CDC42BPG: variants seen among roughly 807,000 people sequenced by gnomAD.
CDC42BPG encodes CDC42 binding protein kinase gamma.
CDC42BPG carries 157 observed loss-of-function variants against 192.2 expected under a neutral mutation model. The ratio of observed to expected loss-of-function variants is 0.82; its 90% CI spans 0.72 to 0.93. The LOEUF is 0.93. CDC42BPG is among the 40% of genes least tolerant of loss of function. CDC42BPG has a pLI of 0.00. For missense variants in CDC42BPG, 1,992 were observed against 2,122.1 expected, an observed-to-expected ratio of 0.94 and a Z score of 1.20; for synonymous variants, 981 against 918.5, an observed-to-expected ratio of 1.07 and a Z score of -1.23.
At chr11:64,824,783 C>T (rs1016210752) in intron 36 of CDC42BPG, among the ~76,000 whole-genome samples, 3 of 152,000 alleles carry the variant, frequency 2.0e-5, no homozygotes, top group East Asian at 3.9e-4. Context: ...CTTGCTCTGT[C>T]GCCTAGCCTG....
chr11:64,827,423 C>T (rs773576161), intron 32 of CDC42BPG, 25 bp from the exon 33 acceptor site: 5 of 1,610,824 alleles, frequency 3.1e-6, no homozygotes, highest in Non-Finnish European at 4.2e-6. Context: ...GAGAGCTGGG[C>T]TGTGCTCACA....
intron 15 of CDC42BPG, 32 bp from the exon 16 acceptor site, chr11:64,835,451 C>G (rs1459777621): frequency 6.2e-7 from 1 of 1,612,322 alleles, no homozygotes; most frequent in East Asian, 2.2e-5. Context: ...CCGTGACTCA[C>G]CGCCCAGGCC....
Position 64,840,574 on chromosome 11 carries a change from G to A in CDC42BPG, c.411C>T (p.Ala137=), listed in dbSNP as rs1374933248. The change falls in exon 4 of 37, where the codon GCC becomes GCT. Residue 137 remains alanine, a synonymous_variant. Transcript: ENST00000342711. ...DSRWVTTLHY[A]FQDEEYLYLV... ...TCACCAGGTACTCCTCGTCTTGGAA[G>A]GCATAGTGCAGAGTGGTCACCCAAC... The A allele has an allele frequency of 6.2e-7, 1 of 1,613,970 alleles. No homozygotes were observed. The highest frequency in any genetic ancestry group is 1.1e-5 in the South Asian group (1 of 91,090).
chr11:64,835,996 C>G, intron 13 of CDC42BPG, 121 bp downstream of exon 13: 1 of 1,343,968 alleles, frequency 7.4e-7, no homozygotes, highest in South Asian at 1.4e-5. Flanking sequence ...CCACCATCCC[C>G]TGGCCTAGCC....
chr11:64,836,808 C>T lies in CDC42BPG; in HGVS notation c.1315G>A (p.Ala439Thr), dbSNP rs762926788. Residue 439 changes from alanine to threonine, a missense_variant, in exon 11 of 37, where the codon GCC (alanine) becomes ACC (threonine). Coordinates refer to ENST00000342711, the MANE Select transcript of CDC42BPG (RefSeq NM_017525.3). ...LSRKHQEALHAPTDHRELEQL... is the reference protein window; with the variant it reads ...LSRKHQEALHTPTDHRELEQL... Reference sequence around the variant, plus strand: ...TCCAGCTCCCGATGGTCTGTGGGGGCGTGCAGGGCCTCTGGAGGGGAGGTG... The same window carrying T: ...TCCAGCTCCCGATGGTCTGTGGGGGTGTGCAGGGCCTCTGGAGGGGAGGTG... 8.8e-6 allele frequency: 14 copies of T among 1,587,186 alleles called. No homozygotes were observed. The highest frequency in any genetic ancestry group is 1.0e-5 in the Non-Finnish European group (12 of 1,168,216).
In CDC42BPG at chr11:64,832,739, G is replaced by A. The variant is rs770098927; in HGVS notation, c.2870C>T (p.Pro957Leu). 3 of 1,604,826 alleles carry A rather than the reference G, an allele frequency of 1.9e-6. No homozygotes were observed. The highest frequency in any genetic ancestry group is 2.3e-5 in the East Asian group (1 of 44,300). Residue 957 changes from proline (P) to leucine (L), a missense_variant, in exon 26 of 37, where the codon CCG becomes CTG. By Grantham distance (98) the Pro-to-Leu change is moderately conservative. Coordinates refer to ENST00000342711, the MANE Select transcript of CDC42BPG (RefSeq NM_017525.3). ...GCCCCGCCGGACACCTGAGGGCCGCGGCACCTGGCGGAAAGGCAAGCATGG... is the reference window on the plus strand; with the variant it reads ...GCCCCGCCGGACACCTGAGGGCCGCAGCACCTGGCGGAAAGGCAAGCATGG... ...GTAYEGFLSVPRPSGVRRGWQ... is the reference protein window; with the variant it reads ...GTAYEGFLSVLRPSGVRRGWQ...
At position 64,835,548 on chromosome 11, in the gene CDC42BPG, T is replaced by C; in HGVS notation, c.1832A>G (p.Lys611Arg). ...EGGPQEAQLR[K>R]EVAALREQLE... ...CTGCTCTCGCAGGGCGGCCACCTCCTTCCTCAGTTGGGCCTCCTGAGGCCC... is the reference window on the plus strand; with the variant it reads ...CTGCTCTCGCAGGGCGGCCACCTCCCTCCTCAGTTGGGCCTCCTGAGGCCC... The change falls in exon 15 of 37, where the codon AAG becomes AGG. Residue 611 changes from lysine to arginine, a missense_variant. This residue lies in a region of CDC42BPG where 1,656 missense variants were observed against 1,844.3 expected (regional missense o/e 0.90). Transcript: ENST00000342711. 1 of 1,591,846 alleles carries C rather than the reference T, an allele frequency of 6.3e-7. No homozygotes were observed. The highest frequency in any genetic ancestry group is 8.5e-7 in the Non-Finnish European group (1 of 1,172,916).
At chr11:64,840,003 C>T (rs1484443160) in intron 5 of CDC42BPG, 117 bp downstream of exon 5, 1 of 1,032,454 alleles carries the variant, frequency 9.7e-7, no homozygotes, top group Admixed American at 2.4e-5. Context: ...GATGAGGCAC[C>T]CAGAGAAGTG....
At chr11:64,827,423 CT>C (rs1565669680) in intron 32 of CDC42BPG, 25 bp from the exon 33 acceptor site, 10 of 1,610,942 alleles carry the variant, frequency 6.2e-6, no homozygotes, top group Non-Finnish European at 6.8e-6. Context: ...GAGAGCTGGG[CT>C]GTGCTCACAC....
At chr11:64,833,858 G>A (rs749811845) in intron 21 of CDC42BPG, 22 bp from the exon 22 acceptor site, 1 of 1,614,158 alleles carries the variant, frequency 6.2e-7, no homozygotes, top group East Asian at 2.2e-5. Flanking sequence ...AGAGAGAGGA[G>A]CAAAGTCAAG....
intron 9 of CDC42BPG, 37 bp downstream of exon 9, chr11:64,838,046 C>T (rs757732901): frequency 1.3e-6 from 2 of 1,536,454 alleles, no homozygotes; most frequent in Admixed American, 2.0e-5. Flanking sequence ...TCAGGCAACC[C>T]CGAGCCTCCC....
In CDC42BPG at chr11:64,836,884, G is replaced by A. The variant is rs191094913; in HGVS notation, c.1303+38C>T. On this transcript the variant is annotated intron_variant, in intron 10 of 36. Transcript: ENST00000342711. ...CATTCCCGCAGCAGCAGCCCCTAGG[G>A]CCAGCACACCCAGGCCCGGCCCAGC... 2.0e-4 allele frequency: 324 copies of A among 1,610,320 alleles called. 3 individuals carry two copies. In the East Asian group the frequency reaches 6.4e-3, roughly 32 times the overall value.
Position 64,831,604 on chromosome 11 carries a change from G to A in CDC42BPG, c.3205C>T (p.Leu1069=), listed in dbSNP as rs1034661202. ...QVLGELQRLL[L]DARPRPRPVY... ...GGCCGGGGTCTTGGCCGCGCGTCCA[G>A]CAGCAGCCGCTGCAGCTCACCCAGC... is the stretch of plus-strand genomic sequence containing the variant. Residue 1069 remains leucine (L), a synonymous_variant, in exon 28 of 37, where the codon CTG becomes TTG. Transcript: ENST00000342711. 2 of 1,611,532 alleles carry A rather than the reference G, an allele frequency of 1.2e-6. No individual in the cohort carries two copies. The highest frequency in any genetic ancestry group is 1.7e-6 in the Non-Finnish European group (2 of 1,179,782).
At chr11:64,840,764 A>G in intron 3 of CDC42BPG, 116 bp from the exon 4 acceptor site, 1 of 843,912 alleles carries the variant, frequency 1.2e-6, no homozygotes, top group South Asian at 1.5e-5. Context: ...GATGGAGGTC[A>G]TAGCTCTACT....
chr11:64,829,145 A>C (rs1456991419), intron 30 of CDC42BPG, among the ~76,000 whole-genome samples: 1 of 152,086 alleles, frequency 6.6e-6, no homozygotes, highest in African/African-American at 2.4e-5. Flanking sequence ...ACTTGACCCC[A>C]GGAGGCGGAG....
rs1592701661 is a variant in CDC42BPG, at chr11:64,833,827, C to T, written c.2476G>A (p.Ala826Thr). Residue 826 changes from alanine (A) to threonine (T), a missense_variant, in exon 22 of 37, where the codon GCC becomes ACC. Ala to Thr is a moderately conservative substitution (Grantham distance 58, BLOSUM62 0). Transcript: ENST00000342711. Reference protein sequence around the residue: ...LSFRSSEKDSAKDPGISGEAT... With the variant: ...LSFRSSEKDSTKDPGISGEAT... ...TCTCCTGAGATGCCAGGGTCCTTGG[C>T]AGAATCCTTCTGGGGGTGGGAGAGA... The T allele has an allele frequency of 6.2e-7, 1 of 1,614,248 alleles. No individual in the cohort carries two copies. The highest frequency in any genetic ancestry group is 8.5e-7 in the Non-Finnish European group (1 of 1,180,038).
rs1385946669 is a variant in CDC42BPG, at chr11:64,836,837, C to A, written c.1304-18G>T. ...CAGGGCCTCTGGAGGGGAGGTGGTA[C>A]CCACAGGTGAGTCCACTCCTCCATT... On this transcript the variant is annotated intron_variant, in intron 10 of 36. Coordinates refer to ENST00000342711, the MANE Select transcript of CDC42BPG (RefSeq NM_017525.3). The A allele has an allele frequency of 6.2e-7, 1 of 1,609,586 alleles. No homozygotes were observed. The highest frequency in any genetic ancestry group is 1.1e-5 in the South Asian group (1 of 90,854).
Position 64,826,067 on chromosome 11 carries a change from G to A in CDC42BPG, c.4599+403C>T, listed in dbSNP as rs868664781. 1.4e-4 allele frequency among the ~76,000 whole-genome samples: 19 copies of A among 133,964 alleles called. 1 individual carries two copies. The highest frequency in any genetic ancestry group is 4.7e-4 in the South Asian group (2 of 4,238). 87.9% of individuals were successfully genotyped at this position (133,964 alleles called of 152,430 possible). ...GGGTGACAGAGTGAGACTCCATCTG[G>A]AAAAAAAAAAAAAAAAAAGAATCCC... is the stretch of plus-strand genomic sequence containing the variant. On this transcript the variant is annotated intron_variant, in intron 36 of 36. Coordinates refer to ENST00000342711, the MANE Select transcript of CDC42BPG (RefSeq NM_017525.3).
At chr11:64,826,062 A>G (rs1144929) in intron 36 of CDC42BPG, among the ~76,000 whole-genome samples, 143,022 of 143,308 alleles carry the variant, frequency 1, 71,368 homozygotes, top group South Asian at 1. Flanking sequence ...GTGAGACTCC[A>G]TCTGGAAAAA....
Sources: gnomAD v4.1 joint callset for allele counts (sites outside exome capture counted in the v4.1 genomes callset) on GRCh38, gnomAD v4.1.1 for gene constraint, gnomAD v4.1.1 regional missense constraint, MANE v1.5 for transcripts, NCBI Gene and HGNC (gene_info 2026-07-23, HGNC 2026-07-21) for gene names.